Variants in ZNF721 observed in about 807,000 individuals in gnomAD.
ZNF721 encodes the protein zinc finger protein 721.
Under a neutral mutation model 2.4 loss-of-function variants are expected in ZNF721, and 2 were observed. That is an observed-to-expected ratio of 0.82 (90% CI 0.34 to 2.58). The LOEUF (loss-of-function observed/expected upper bound fraction) is 2.58. Among genes scored for constraint, ZNF721 ranks in the 30% most tolerant of loss-of-function variants. ZNF721 has a pLI of 0.11. For synonymous variants in ZNF721, 398 were observed against 381.8 expected (o/e 1.04, Z -0.50); for missense variants, 1,187 against 1,085.5 (o/e 1.09, Z -1.31).
At chr4:477,316 C>T (rs1715651328) in intron 1 of ZNF721, among the ~76,000 whole-genome samples, 1 of 129,844 alleles carries the variant, frequency 7.7e-6, no homozygotes, top group African/African-American at 2.9e-5. Context: ...GGGCTCACTG[C>T]AAGCTCCGCC....
At chr4:466,193 G>C (rs930049809) in intron 2 of ZNF721, among the ~76,000 whole-genome samples, 3 of 128,998 alleles carry the variant, frequency 2.3e-5, no homozygotes, top group African/African-American at 9.6e-5. Context: ...GTGAGACTTG[G>C]GTAGTAAGAA....
intron 1 of ZNF721, among the ~76,000 whole-genome samples, chr4:485,588 G>C (rs572679774): frequency 3.3e-4 from 51 of 152,240 alleles, no homozygotes; most frequent in African/African-American, 1.2e-3. Context: ...TTTTCAACTG[G>C]TCCTCCGAAA....
chr4:442,487 CGT>C lies in ZNF721; in HGVS notation c.1978_1979del (p.Thr660GlufsTer12). 1 of 1,612,904 alleles carries C rather than the reference CGT, an allele frequency of 6.2e-7. No individual in the cohort carries two copies. The highest frequency in any genetic ancestry group is 8.5e-7 in the Non-Finnish European group (1 of 1,179,020). On this transcript the variant is annotated frameshift_variant, in exon 3 of 3. Coordinates refer to ENST00000511833, the MANE Select transcript of ZNF721 (RefSeq NM_133474.4). LOFTEE classifies it low-confidence loss of function (END_TRUNC). ...FAPSTDLNQH[T>X]KILTGEQSYK... ...AACTTTGCTCTCCAGTAAGAATTTT[CGT>C]GTGTTGATTCAGGTCTGTTGATGGG...
intron 2 of ZNF721, among the ~76,000 whole-genome samples, chr4:466,108 T>C (rs2108707289): frequency 6.6e-6 from 1 of 151,620 alleles, no homozygotes; most frequent in East Asian, 2.0e-4. Flanking sequence ...GCGATTCTCC[T>C]GCCTCAGCCT....
In ZNF721 at chr4:443,972, G is replaced by A. The variant is rs369127753; in HGVS notation, c.495C>T (p.Tyr165=). ...HKKIHTGEKP[Y]KCEECGKAFN... Reference sequence around the variant, plus strand: ...AGGCTTTGCCACATTCTTCACATTTGTAAGGTTTCTCTCCAGTATGAATTT... The same window carrying A: ...AGGCTTTGCCACATTCTTCACATTTATAAGGTTTCTCTCCAGTATGAATTT... The change falls in exon 3 of 3, where the codon TAC becomes TAT. Residue 165 remains tyrosine, a synonymous_variant. Coordinates refer to ENST00000511833, the MANE Select transcript of ZNF721 (RefSeq NM_133474.4). 1 of 1,614,116 alleles carries A rather than the reference G, an allele frequency of 6.2e-7. No individual in the cohort carries two copies. Among genetic ancestry groups the A allele is most frequent in the Non-Finnish European group, 8.5e-7 (1 of 1,180,014 alleles).
rs551709480 is a variant in ZNF721 at position 499,131 on chromosome 4, G to GT, written c.-170dup. On this transcript the variant is annotated 5_prime_UTR_variant, in exon 1 of 3. Transcript: ENST00000511833. ...GAGCCGGGAACACCGCCCGCTGTTC[G>GT]TATGTCCGAGGTGACGCCCCGCTGT... 1.2e-5 allele frequency: 7 copies of GT among 587,448 alleles called. No individual in the cohort carries two copies. In the South Asian group the frequency reaches 1.6e-4, roughly 13 times the overall value. 36.4% of individuals were successfully genotyped at this position (587,448 alleles called of 1,614,324 possible).
chr4:475,960 A>G (rs2030698656), intron 1 of ZNF721, among the ~76,000 whole-genome samples: 1 of 152,204 alleles, frequency 6.6e-6, no homozygotes, highest in African/African-American at 2.4e-5. Flanking sequence ...TATTTGACTG[A>G]GCACAATGCA....
chr4:476,622 C>T (rs1393196750), intron 1 of ZNF721, among the ~76,000 whole-genome samples: 2 of 152,284 alleles, frequency 1.3e-5, no homozygotes, highest in East Asian at 1.9e-4. Flanking sequence ...AATTTCTTTC[C>T]GCAATGAGCT....
intron 2 of ZNF721, among the ~76,000 whole-genome samples, chr4:464,053 A>T (rs1715159474): frequency 6.6e-6 from 1 of 152,238 alleles, no homozygotes; most frequent in Admixed American, 6.5e-5. Context: ...ATTATAATAA[A>T]GAGAAATCAT....
chr4:443,856 C>A lies in ZNF721; in HGVS notation c.611G>T (p.Trp204Leu), dbSNP rs782237235. 4 of 1,613,482 alleles carry A rather than the reference C, an allele frequency of 2.5e-6. No individual in the cohort carries two copies. Among genetic ancestry groups the A allele is most frequent in the Admixed American group, 1.7e-5 (1 of 59,966 alleles). ...TGEDRDRAFG[W>L]STNLNEYKKI... is the part of the protein sequence containing the mutation. Reference sequence around the variant, plus strand: ...CTTATATTCATTCAGGTTTGTGGACCATCCAAAGGCTCTGTCACGATCTTC... The same window carrying A: ...CTTATATTCATTCAGGTTTGTGGACAATCCAAAGGCTCTGTCACGATCTTC... Residue 204 changes from tryptophan (W) to leucine (L), a missense_variant, in exon 3 of 3, where the codon TGG becomes TTG. Physicochemically the swap from Trp to Leu is moderately conservative, Grantham distance 61. Coordinates refer to ENST00000511833, the MANE Select transcript of ZNF721 (RefSeq NM_133474.4).
chr4:475,785 G>A (rs782227901), intron 1 of ZNF721, among the ~76,000 whole-genome samples: 2 of 150,594 alleles, frequency 1.3e-5, no homozygotes, highest in Non-Finnish European at 2.9e-5. Flanking sequence ...CTATACCAAA[G>A]CTTCCCCCTA....
chr4:486,122 G>C (rs1213458438), intron 1 of ZNF721, among the ~76,000 whole-genome samples: 2 of 151,778 alleles, frequency 1.3e-5, no homozygotes, highest in East Asian at 1.9e-4. Context: ...GATTCAGGGT[G>C]AGAAATGCAT....
Position 442,456 on chromosome 4 carries a change from A to G in ZNF721, c.2011T>C (p.Cys671Arg). 1 of 1,613,846 alleles carries G rather than the reference A, an allele frequency of 6.2e-7. No individual in the cohort carries two copies. The highest frequency in any genetic ancestry group is 8.5e-7 in the Non-Finnish European group (1 of 1,179,850). The part of the protein sequence containing the change: ...KILTGEQSYK[C>R]EECGKAFGWS... ...CCAAAGGCTTTGCCACACTCTTCAC[A>G]TTTGTAACTTTGCTCTCCAGTAAGA... is the stretch of plus-strand genomic sequence containing the variant. The change falls in exon 3 of 3, where the codon TGT becomes CGT. Residue 671 changes from cysteine to arginine, a missense_variant. Cys to Arg is a radical substitution (Grantham distance 180). Transcript: ENST00000511833.
At chr4:470,192 A>G (rs1449050545) in intron 2 of ZNF721, among the ~76,000 whole-genome samples, 5 of 152,174 alleles carry the variant, frequency 3.3e-5, no homozygotes, top group Non-Finnish European at 7.3e-5. Context: ...AAAGTAGATC[A>G]TTGTCTTATA....
intron 1 of ZNF721, among the ~76,000 whole-genome samples, chr4:480,669 G>C (rs1412038754): frequency 6.6e-6 from 1 of 152,032 alleles, no homozygotes; most frequent in African/African-American, 2.4e-5. Context: ...TTTGTTTCTG[G>C]CATGTTTCAC....
intron 1 of ZNF721, among the ~76,000 whole-genome samples, chr4:485,495 C>A (rs181746717): frequency 5.9e-5 from 9 of 152,004 alleles, no homozygotes; most frequent in Admixed American, 4.6e-4. Flanking sequence ...CACAACTCAA[C>A]AGTGGTGAGT....
intron 2 of ZNF721, among the ~76,000 whole-genome samples, chr4:455,819 T>G (rs1553865352): frequency 6.6e-6 from 1 of 152,102 alleles, no homozygotes; most frequent in South Asian, 2.1e-4. Flanking sequence ...ATAATGTAAA[T>G]GTACTTAACC....
intron 1 of ZNF721, among the ~76,000 whole-genome samples, chr4:489,860 T>C (rs192683620): frequency 6.6e-6 from 1 of 152,246 alleles, no homozygotes; most frequent in Admixed American, 6.5e-5. Flanking sequence ...GTTTTTAAAT[T>C]TAATTGTATT....
intron 1 of ZNF721, among the ~76,000 whole-genome samples, chr4:489,638 G>A (rs1377407701): frequency 6.6e-6 from 1 of 152,164 alleles, no homozygotes. Flanking sequence ...CAGAAAAGAC[G>A]TGTTCAGGCC....
Sources: gnomAD v4.1 joint callset for allele counts (sites outside exome capture counted in the v4.1 genomes callset) on GRCh38, gnomAD v4.1.1 for gene constraint, MANE v1.5 for transcripts, NCBI Gene and HGNC (gene_info 2026-07-23, HGNC 2026-07-21) for gene names.